CDH4: variants seen among roughly 807,000 people sequenced by gnomAD.
CDH4 encodes the protein cadherin-4.
A neutral mutation model predicts 86.0 loss-of-function variants in CDH4; 33 were observed. That is an observed-to-expected ratio of 0.38 (90% CI 0.29 to 0.51). The LOEUF (loss-of-function observed/expected upper bound fraction) is 0.51. CDH4 is among the 20% of genes least tolerant of loss of function. The pLI, the probability that CDH4 is intolerant of heterozygous loss-of-function variation, is 0.86. For missense variants in CDH4, 1,114 were observed against 1,307.4 expected (o/e 0.85, Z 2.28); for synonymous variants, 555 against 549.4 (o/e 1.01, Z -0.14).
At position 61,753,792 on chromosome 20, in the gene CDH4, G is replaced by A. The variant is rs111519133; in HGVS notation, c.396+10003G>A. Reference sequence around the variant, plus strand: ...GCCGAGCAATGTCCCACGGCCAGGCGGGTCCAGGCGCTGACCTGTGGACTT... The same window carrying A: ...GCCGAGCAATGTCCCACGGCCAGGCAGGTCCAGGCGCTGACCTGTGGACTT... On this transcript the variant is annotated intron_variant, in intron 3 of 15. Transcript: ENST00000614565. Among the ~76,000 whole-genome samples the A allele has an allele frequency of 3.8e-3, 584 of 152,310 alleles. 1 individual carries two copies. The highest frequency in any genetic ancestry group is 0.013 in the African/African-American group (537 of 41,558).
chr20:61,308,678 G>A (rs2084429982), intron 2 of CDH4, among the ~76,000 whole-genome samples: 1 of 152,208 alleles, frequency 6.6e-6, no homozygotes, highest in African/African-American at 2.4e-5. Flanking sequence ...CTTGTCTGAT[G>A]TGGTTTTCAT....
At chr20:61,279,314 T>C (rs2084246247) in intron 2 of CDH4, among the ~76,000 whole-genome samples, 2 of 152,146 alleles carry the variant, frequency 1.3e-5, no homozygotes, top group Non-Finnish European at 2.9e-5. Context: ...TAGAACTCAT[T>C]GGCCCTCCTT....
chr20:61,570,478 G>A (rs906103474), intron 2 of CDH4: 2 of 574,284 alleles, frequency 3.5e-6, no homozygotes, highest in African/African-American at 3.7e-5. Flanking sequence ...CCCAGAGGCT[G>A]GGTCTCCCTC....
intron 3 of CDH4, among the ~76,000 whole-genome samples, chr20:61,749,197 C>T (rs1677996546): frequency 6.6e-6 from 1 of 152,060 alleles, no homozygotes; most frequent in Non-Finnish European, 1.5e-5. Context: ...TTTGTGTGCA[C>T]TTAATAATAT....
intron 6 of CDH4, 152 bp from the exon 7 acceptor site, chr20:61,873,576 T>C (rs1600727216): frequency 1.4e-6 from 1 of 740,248 alleles, no homozygotes; most frequent in African/African-American, 1.8e-5. Context: ...GCAGGTGCAC[T>C]AACACCACCT....
chr20:61,361,270 G>C (rs1410572237), intron 2 of CDH4, among the ~76,000 whole-genome samples: 1 of 152,210 alleles, frequency 6.6e-6, no homozygotes, highest in East Asian at 1.9e-4. Flanking sequence ...CCTTTGCCAA[G>C]AGACTTGCAC....
chr20:61,926,360 GC>G (rs1157410111), intron 11 of CDH4, among the ~76,000 whole-genome samples: 11 of 152,190 alleles, frequency 7.2e-5, no homozygotes, highest in African/African-American at 2.4e-4. Flanking sequence ...TAGCCATTGT[GC>G]AAACGCTCGT....
At chr20:61,652,938 A>ATTTTTATTTTTATTTT (rs2087138479) in intron 2 of CDH4, among the ~76,000 whole-genome samples, 2 of 97,402 alleles carry the variant, frequency 2.1e-5, no homozygotes, top group Admixed American at 1.1e-4. Flanking sequence ...TTATTTATTT[A>ATTTTTATTTTTATTTT]TTTTTTTTTT....
chr20:61,548,474 C>T (rs1228867040), intron 2 of CDH4, among the ~76,000 whole-genome samples: 1 of 152,014 alleles, frequency 6.6e-6, no homozygotes, highest in African/African-American at 2.4e-5. Flanking sequence ...ATCAGTTCCC[C>T]GCCCCCCCAT....
rs373683559 is a variant in CDH4 at position 61,777,869 on chromosome 20, C to T, written c.576+4687C>T. Among the ~76,000 whole-genome samples, 71 of 151,424 alleles carry T rather than the reference C, an allele frequency of 4.7e-4. 1 individual carries two copies. The highest frequency in any genetic ancestry group is 8.1e-4 in the Non-Finnish European group (55 of 67,626). ...AAAAACACATCCACATGCGCACGCA[C>T]GTGCATACTATACACACATGCACAC... On this transcript the variant is annotated intron_variant, in intron 4 of 15. Coordinates refer to ENST00000614565, the MANE Select transcript of CDH4 (RefSeq NM_001794.5).
chr20:61,880,032 GC>G (rs1160243893), intron 7 of CDH4, among the ~76,000 whole-genome samples: 2 of 152,140 alleles, frequency 1.3e-5, no homozygotes, highest in East Asian at 3.9e-4. Flanking sequence ...CCCTCTGCCC[GC>G]CCGGTGCTGT....
chr20:61,831,805 G>A (rs1249252069), intron 4 of CDH4, among the ~76,000 whole-genome samples: 4 of 152,254 alleles, frequency 2.6e-5, no homozygotes, highest in Admixed American at 6.5e-5. Flanking sequence ...TCACTGGCAC[G>A]TGGTGTGCAC....
chr20:61,691,011 C>A (rs944352365), intron 2 of CDH4, among the ~76,000 whole-genome samples: 1 of 152,226 alleles, frequency 6.6e-6, no homozygotes, highest in Non-Finnish European at 1.5e-5. Context: ...TCGAGATGAA[C>A]TCACAGAATG....
intron 2 of CDH4, among the ~76,000 whole-genome samples, chr20:61,472,232 T>C (rs1396066771): frequency 6.6e-6 from 1 of 152,250 alleles, no homozygotes; most frequent in Admixed American, 6.5e-5. Flanking sequence ...GCTTGCTGAA[T>C]TGACCGCTTT....
intron 4 of CDH4, among the ~76,000 whole-genome samples, chr20:61,809,727 C>A (rs990210389): frequency 6.6e-6 from 1 of 152,188 alleles, no homozygotes; most frequent in South Asian, 2.1e-4. Flanking sequence ...TATTTTCTAA[C>A]CAGGGCGGTG....
In CDH4 at chr20:61,820,903, A is replaced by C. The variant is rs118089230; in HGVS notation, c.577-23765A>C. ...ACCTGGGGAAATATGACATGCAGGT[A>C]GAAATAGGACAGGCTTTGCGGAGTG... On this transcript the variant is annotated intron_variant, in intron 4 of 15. Transcript: ENST00000614565. 2.4e-3 allele frequency among the ~76,000 whole-genome samples: 365 copies of C among 152,246 alleles called. 11 individuals are homozygous for C. The East Asian group carries it at 0.062, about 26-fold the overall frequency.
intron 2 of CDH4, among the ~76,000 whole-genome samples, chr20:61,602,694 TAAA>T (rs10641053): frequency 0.039 from 3,472 of 89,102 alleles, 111 homozygotes; most frequent in East Asian, 0.22. Context: ...TTCACTTTAT[TAAA>T]AAAAAAAAAA....
chr20:61,349,536 C>T (rs1367848294), intron 2 of CDH4, among the ~76,000 whole-genome samples: 2 of 152,216 alleles, frequency 1.3e-5, no homozygotes, highest in Non-Finnish European at 2.9e-5. Context: ...AGGATCCAGA[C>T]GAGGCCGGGA....
chr20:61,392,839 C>T lies in CDH4; in HGVS notation c.169+137902C>T, dbSNP rs1367623327. On this transcript the variant is annotated intron_variant, in intron 2 of 15. Transcript: ENST00000614565. This position sits in a 1 kb window ranked among gnomAD's most constrained non-coding sequence, Gnocchi z 5.7. ...CTCTAGAAATGTCAGATGCATTCGT[C>T]TTCCATTAGCCCCTCCACCATCCCC... is the stretch of plus-strand genomic sequence containing the variant. Among the ~76,000 whole-genome samples, 1 of 152,126 alleles carries T rather than the reference C, an allele frequency of 6.6e-6. No homozygotes were observed. The highest frequency in any genetic ancestry group is 1.9e-4 in the East Asian group (1 of 5,184).
Sources: gnomAD v4.1 joint callset for allele counts (sites outside exome capture counted in the v4.1 genomes callset) on GRCh38, gnomAD v4.1.1 for gene constraint, Gnocchi (gnomAD v3.1) non-coding constraint, MANE v1.5 for transcripts, NCBI Gene and HGNC (gene_info 2026-07-23, HGNC 2026-07-21) for gene names.